Variants in WDR70 observed in about 807,000 individuals in gnomAD.
WDR70 encodes WD repeat domain 70, also known as WD repeat-containing protein 70.
A neutral mutation model predicts 88.6 loss-of-function variants in WDR70; 53 were observed. That is an observed-to-expected ratio of 0.60 (90% CI 0.48 to 0.75). The LOEUF (loss-of-function observed/expected upper bound fraction) is 0.75. WDR70 is among the 30% of genes least tolerant of loss of function. WDR70 has a pLI of 0.00. For missense variants in WDR70, 610 were observed against 823.2 expected, an observed-to-expected ratio of 0.74 and a Z score of 3.17; for synonymous variants, 280 against 270.0, an observed-to-expected ratio of 1.04 and a Z score of -0.36.
intron 10 of WDR70, among the ~76,000 whole-genome samples, chr5:37,619,191 T>G (rs1421909976): frequency 6.6e-6 from 1 of 152,150 alleles, no homozygotes; most frequent in African/African-American, 2.4e-5. Context: ...GTTTTGAATT[T>G]GTGTTATTCT....
intron 7 of WDR70, among the ~76,000 whole-genome samples, chr5:37,474,530 T>C (rs1032590052): frequency 1.3e-5 from 2 of 152,248 alleles, no homozygotes; most frequent in African/African-American, 4.8e-5. Context: ...ATCTGCCTGG[T>C]AGATTTCCCC....
In WDR70 at chr5:37,465,483, T is replaced by C. The variant is rs1181243451; in HGVS notation, c.687-14351T>C. ...TTTAGAAGAAATGGGTCAGTATAAA[T>C]TTGGAGGAGCAGTTTCTAGCTAGTA... is the stretch of plus-strand genomic sequence containing the variant. On this transcript the variant is annotated intron_variant, in intron 7 of 17. Coordinates refer to ENST00000265107, the MANE Select transcript of WDR70 (RefSeq NM_018034.4). Among the ~76,000 whole-genome samples, 5 of 152,268 alleles carry C rather than the reference T, an allele frequency of 3.3e-5. No individual in the cohort carries two copies. The East Asian group carries it at 7.7e-4, about 24-fold the overall frequency.
At chr5:37,385,309 C>T (rs1422393516) in intron 3 of WDR70, among the ~76,000 whole-genome samples, 1 of 151,754 alleles carries the variant, frequency 6.6e-6, no homozygotes, top group East Asian at 1.9e-4. Context: ...CACTTGAGCC[C>T]AGGAGTTTGA....
At chr5:37,683,323 C>T (rs1746495293) in intron 10 of WDR70, among the ~76,000 whole-genome samples, 1 of 152,180 alleles carries the variant, frequency 6.6e-6, no homozygotes, top group Admixed American at 6.5e-5. Flanking sequence ...TGCCTGTTTA[C>T]ATTCAAGGTT....
chr5:37,478,541 G>T (rs1739556718), intron 7 of WDR70, among the ~76,000 whole-genome samples: 1 of 152,216 alleles, frequency 6.6e-6, no homozygotes, highest in Admixed American at 6.5e-5. Context: ...GTGTTTTGGG[G>T]TCAATCCCTG....
intron 9 of WDR70, among the ~76,000 whole-genome samples, chr5:37,593,854 A>AGAT (rs1743614033): frequency 6.6e-6 from 1 of 152,184 alleles, no homozygotes; most frequent in Non-Finnish European, 1.5e-5. Flanking sequence ...TACTGGCGTA[A>AGAT]GATGGTATCT....
At chr5:37,721,864 A>G (rs931111410) in intron 14 of WDR70, 8 of 152,258 alleles carry the variant, frequency 5.3e-5, no homozygotes, top group African/African-American at 1.9e-4. Context: ...CTTAAAGTAC[A>G]GTGACTGATA....
intron 7 of WDR70, 30 bp downstream of exon 7, chr5:37,443,402 A>G: frequency 1.9e-6 from 3 of 1,611,588 alleles, no homozygotes; most frequent in Middle Eastern, 1.7e-4. Flanking sequence ...ATATCTTCAT[A>G]TTTGACCTAA....
intron 5 of WDR70, among the ~76,000 whole-genome samples, chr5:37,415,240 T>A (rs1749665517): frequency 6.6e-6 from 1 of 152,074 alleles, no homozygotes; most frequent in East Asian, 1.9e-4. Flanking sequence ...CCTTTCCCCT[T>A]TTCTATTCCA....
intron 3 of WDR70, among the ~76,000 whole-genome samples, chr5:37,389,704 G>A (rs1159270042): frequency 6.6e-6 from 1 of 152,018 alleles, no homozygotes; most frequent in Non-Finnish European, 1.5e-5. Context: ...GAGCCACCGT[G>A]CCCGACAGGC....
chr5:37,446,294 A>G (rs1476563031), intron 7 of WDR70, among the ~76,000 whole-genome samples: 1 of 152,228 alleles, frequency 6.6e-6, no homozygotes, highest in African/African-American at 2.4e-5. Flanking sequence ...GAAAGAGGAC[A>G]CAAAGAAATG....
intron 5 of WDR70, among the ~76,000 whole-genome samples, chr5:37,410,944 A>C (rs1226573995): frequency 6.6e-6 from 1 of 152,236 alleles, no homozygotes; most frequent in African/African-American, 2.4e-5. Context: ...GAGCTGCCTC[A>C]AGATAGAGAT....
intron 5 of WDR70, among the ~76,000 whole-genome samples, chr5:37,437,457 A>G (rs1287020666): frequency 6.6e-6 from 1 of 152,168 alleles, no homozygotes; most frequent in Non-Finnish European, 1.5e-5. Context: ...ATTATTTTAT[A>G]CATAGGTTAC....
intron 10 of WDR70, among the ~76,000 whole-genome samples, chr5:37,621,119 A>G (rs1276141827): frequency 6.6e-6 from 1 of 152,094 alleles, no homozygotes; most frequent in Non-Finnish European, 1.5e-5. Context: ...GGCTCTACCC[A>G]TCAGCTTCTT....
intron 9 of WDR70, among the ~76,000 whole-genome samples, chr5:37,569,094 T>G (rs1210543850): frequency 6.6e-6 from 1 of 152,186 alleles, no homozygotes; most frequent in East Asian, 1.9e-4. Flanking sequence ...TATTTCAGAA[T>G]TATGACAAAG....
intron 10 of WDR70, among the ~76,000 whole-genome samples, chr5:37,644,087 T>C (rs549864681): frequency 6.6e-6 from 1 of 152,222 alleles, no homozygotes; most frequent in East Asian, 1.9e-4. Flanking sequence ...GGCTTTCAGT[T>C]TTCCCCCTAA....
At chr5:37,539,113 G>A (rs759346111) in intron 9 of WDR70, among the ~76,000 whole-genome samples, 4 of 152,104 alleles carry the variant, frequency 2.6e-5, no homozygotes, top group Non-Finnish European at 5.9e-5. Context: ...CTCCAGGTTG[G>A]TTCAGATCTG....
chr5:37,608,584 C>G (rs1744100070), intron 10 of WDR70, among the ~76,000 whole-genome samples: 1 of 149,180 alleles, frequency 6.7e-6, no homozygotes, highest in African/African-American at 2.5e-5. Flanking sequence ...GAGACAAGTT[C>G]TCACTCTGTC....
intron 10 of WDR70, among the ~76,000 whole-genome samples, chr5:37,636,906 T>A (rs1744982130): frequency 6.6e-6 from 1 of 152,228 alleles, no homozygotes; most frequent in Non-Finnish European, 1.5e-5. Flanking sequence ...GTAGATTAGC[T>A]AATAGAATTC....
Sources: allele counts gnomAD v4.1 joint callset (sites outside exome capture counted in the v4.1 genomes callset), GRCh38; gene constraint gnomAD v4.1.1; transcripts MANE v1.5; gene names NCBI Gene and HGNC (gene_info 2026-07-23, HGNC 2026-07-21).